APH1B: variants seen among roughly 807,000 people sequenced by gnomAD.
APH1B encodes the protein aph-1B gamma-secretase subunit.
APH1B carries 27 observed loss-of-function variants against 28.2 expected under a neutral mutation model. The observed-to-expected ratio is 0.96, with a 90% CI of 0.70 to 1.32. The LOEUF (loss-of-function observed/expected upper bound fraction) is 1.32, where lower values mean the gene tolerates loss of function less well. Among genes scored for constraint, APH1B ranks in the 40% most tolerant of loss-of-function variants. APH1B has a pLI of 0.00. For missense variants in APH1B, 305 were observed against 313.6 expected (o/e 0.97, Z 0.21); for synonymous variants, 141 against 124.6 (o/e 1.13, Z -0.88).
At chr15:63,282,579 A>T (rs1298546981) in intron 2 of APH1B, among the ~76,000 whole-genome samples, 1 of 152,210 alleles carries the variant, frequency 6.6e-6, no homozygotes, top group Admixed American at 6.5e-5. Context: ...ATATTTTGCC[A>T]AAAACATACA....
At chr15:63,300,736 A>G (rs907567047) in intron 4 of APH1B, among the ~76,000 whole-genome samples, 9 of 152,266 alleles carry the variant, frequency 5.9e-5, no homozygotes, top group African/African-American at 1.9e-4. Flanking sequence ...TACACCAGAT[A>G]TAACAGCTTT....
chr15:63,298,717 C>T (rs573105465), intron 4 of APH1B, among the ~76,000 whole-genome samples: 65 of 152,072 alleles, frequency 4.3e-4, no homozygotes, highest in Admixed American at 4.1e-3. Context: ...CTTGTAACAG[C>T]CCTATGTGGT....
chr15:63,286,658 G>C, intron 3 of APH1B, 30 bp downstream of exon 3: 1 of 1,558,058 alleles, frequency 6.4e-7, no homozygotes. Flanking sequence ...TTTCATTAAG[G>C]AAAAAAATCA....
rs753589286 is a variant in APH1B, at chr15:63,304,191, G to A, written c.607-1423G>A. ...GTTGAGCCCCATGTTGTGTGGCTCC[G>A]TTGACAGAAATACCAAAAGGCAGCA... is the stretch of plus-strand genomic sequence containing the variant. On this transcript the variant is annotated intron_variant, in intron 5 of 5. Transcript: ENST00000261879. The surrounding 1 kb of genome is among the most constrained non-coding windows in gnomAD (Gnocchi z 5.1). Among the ~76,000 whole-genome samples, 1 of 152,166 alleles carries A rather than the reference G, an allele frequency of 6.6e-6. No individual in the cohort carries two copies. Among genetic ancestry groups the A allele is most frequent in the Non-Finnish European group, 1.5e-5 (1 of 68,034 alleles).
chr15:63,284,508 C>G (rs1387196610), intron 2 of APH1B, among the ~76,000 whole-genome samples: 1 of 152,236 alleles, frequency 6.6e-6, no homozygotes, highest in African/African-American at 2.4e-5. Context: ...GCCACTGCGC[C>G]TGGCCAATAT....
At chr15:63,280,372 A>G (rs1004966779) in intron 2 of APH1B, among the ~76,000 whole-genome samples, 3 of 152,208 alleles carry the variant, frequency 2.0e-5, no homozygotes, top group Admixed American at 6.5e-5. Context: ...TTATGTAGTA[A>G]GTCTTAATAG....
intron 4 of APH1B, among the ~76,000 whole-genome samples, chr15:63,301,407 A>T (rs893239926): frequency 1.3e-5 from 2 of 152,164 alleles, no homozygotes; most frequent in African/African-American, 4.8e-5. Flanking sequence ...TAACCTTTGC[A>T]GAATATATAG....
intron 4 of APH1B, among the ~76,000 whole-genome samples, chr15:63,292,148 T>C (rs189606234): frequency 6.6e-6 from 1 of 152,374 alleles, no homozygotes; most frequent in Non-Finnish European, 1.5e-5. Flanking sequence ...TAAGCAAGAC[T>C]ATCTCAATAC....
intron 5 of APH1B, among the ~76,000 whole-genome samples, chr15:63,303,385 G>A (rs1294230370): frequency 6.6e-6 from 1 of 152,216 alleles, no homozygotes; most frequent in African/African-American, 2.4e-5. Context: ...CTATTGCTCA[G>A]CATGTTTGTG....
At chr15:63,291,053 T>G (rs1394452936) in intron 4 of APH1B, among the ~76,000 whole-genome samples, 1 of 151,402 alleles carries the variant, frequency 6.6e-6, no homozygotes, top group Non-Finnish European at 1.5e-5. Flanking sequence ...CATCTAATCT[T>G]CAATTTCCTG....
In APH1B at chr15:63,287,510, A is replaced by G; in HGVS notation, c.442A>G (p.Ile148Val). 2.5e-6 allele frequency: 4 copies of G among 1,613,984 alleles called. No individual in the cohort carries two copies. The highest frequency in any genetic ancestry group is 3.4e-6 in the Non-Finnish European group (4 of 1,179,870). ...CTCCTTGGGGCCAGGCACAGTGGGC[A>G]TTCATGGAGATTCTCCTCAATTCTT... The part of the protein sequence containing the change: ...SDSLGPGTVG[I>V]HGDSPQFFLY... Residue 148 changes from isoleucine (I) to valine (V), a missense_variant, in exon 4 of 6, where the codon ATT becomes GTT. Ile to Val is a conservative substitution (Grantham distance 29). Transcript: ENST00000261879.
rs370330232 is a variant in APH1B, at chr15:63,283,769, C to A, written c.285-2789C>A. Among the ~76,000 whole-genome samples the A allele has an allele frequency of 2.0e-5, 3 of 152,144 alleles. No individual in the cohort carries two copies. In the East Asian group the frequency reaches 5.8e-4, roughly 29 times the overall value. ...TGTATTTGAGAAACCATTACCCAAC[C>A]CACGGTCATGAAGACTGGCACCTAT... is the stretch of plus-strand genomic sequence containing the variant. On this transcript the variant is annotated intron_variant, in intron 2 of 5. Transcript: ENST00000261879.
chr15:63,279,130 C>G (rs559688593), intron 1 of APH1B, 31 bp from the exon 2 acceptor site: 1 of 1,516,234 alleles, frequency 6.6e-7, no homozygotes, highest in Admixed American at 1.8e-5. Flanking sequence ...TACTGATGTT[C>G]ACTTGTAACT....
intron 2 of APH1B, among the ~76,000 whole-genome samples, chr15:63,285,903 C>G (rs1333034360): frequency 3.3e-5 from 5 of 152,158 alleles, no homozygotes; most frequent in Non-Finnish European, 7.3e-5. Flanking sequence ...TGATATAAAA[C>G]AAATATGTAA....
At chr15:63,293,393 C>T (rs1240048906) in intron 4 of APH1B, among the ~76,000 whole-genome samples, 1 of 152,112 alleles carries the variant, frequency 6.6e-6, no homozygotes, top group Non-Finnish European at 1.5e-5. Context: ...TCTTGAACTC[C>T]TGACCTCAGG....
At chr15:63,287,629 G>T in intron 4 of APH1B, 83 bp downstream of exon 4, 1 of 1,500,152 alleles carries the variant, frequency 6.7e-7, no homozygotes, top group Non-Finnish European at 9.0e-7. Flanking sequence ...AGGAATTTCA[G>T]TGGATTGGAA....
rs1314513467 is a variant in APH1B, at chr15:63,290,647, G to T, written c.478+3101G>T. ...GGACAGGCTGTAACCCATGCTCCCA[G>T]GCCACAGTACCTTGGCTTTGCAGCA... On this transcript the variant is annotated intron_variant, in intron 4 of 5. Coordinates refer to ENST00000261879, the MANE Select transcript of APH1B (RefSeq NM_031301.4). Among the ~76,000 whole-genome samples the T allele has an allele frequency of 2.0e-5, 3 of 152,218 alleles. No homozygotes were observed. The East Asian group carries it at 5.8e-4, about 29-fold the overall frequency.
intron 4 of APH1B, among the ~76,000 whole-genome samples, chr15:63,302,120 C>T (rs926522994): frequency 6.6e-6 from 1 of 152,180 alleles, no homozygotes; most frequent in African/African-American, 2.4e-5. Context: ...AGATCTTAGG[C>T]GACCTTTTAT....
intron 5 of APH1B, among the ~76,000 whole-genome samples, chr15:63,303,874 A>AACACACAC (rs113837395): frequency 0.018 from 2,555 of 145,662 alleles, 41 homozygotes; most frequent in African/African-American, 0.03. Flanking sequence ...ACACACACAC[A>AACACACAC]ACACACACAC....
Sources: allele counts gnomAD v4.1 joint callset (sites outside exome capture counted in the v4.1 genomes callset), GRCh38; gene constraint gnomAD v4.1.1; non-coding constraint Gnocchi (gnomAD v3.1); transcripts MANE v1.5; gene names NCBI Gene and HGNC (gene_info 2026-07-23, HGNC 2026-07-21).